Variants in PGM5 observed in about 807,000 individuals in gnomAD.
PGM5 encodes the protein phosphoglucomutase-like protein 5.
A neutral mutation model predicts 59.2 loss-of-function variants in PGM5; 23 were observed. That is an observed-to-expected ratio of 0.39 (90% CI 0.28 to 0.55). The LOEUF is 0.55. Among genes scored for constraint, PGM5 ranks in the 20% least tolerant of loss-of-function variants. The pLI, the probability that PGM5 is intolerant of heterozygous loss-of-function variation, is 0.66. For missense variants in PGM5, 574 were observed against 748.3 expected (o/e 0.77, Z 2.72); for synonymous variants, 214 against 286.0 (o/e 0.75, Z 2.54).
At chr9:68,360,180 A>G (rs372581) in intron 1 of PGM5, among the ~76,000 whole-genome samples, 1,925 of 152,264 alleles carry the variant, frequency 0.013, 53 homozygotes, top group African/African-American at 0.044. Context: ...TTGATTATGT[A>G]ATTGCTGGAG....
intron 6 of PGM5, among the ~76,000 whole-genome samples, chr9:68,446,351 C>G (rs1356961984): frequency 6.6e-6 from 1 of 152,238 alleles, no homozygotes; most frequent in Admixed American, 6.5e-5. Flanking sequence ...CATACATTCT[C>G]ATTTCATACA....
At chr9:68,388,208 G>A (rs1822277809) in intron 4 of PGM5, among the ~76,000 whole-genome samples, 1 of 139,586 alleles carries the variant, frequency 7.2e-6, no homozygotes, top group Non-Finnish European at 1.5e-5. Flanking sequence ...TCATTATCTA[G>A]TGTTTACATT....
intron 9 of PGM5, among the ~76,000 whole-genome samples, chr9:68,488,953 G>C (rs118079149): frequency 6.6e-6 from 1 of 152,168 alleles, no homozygotes; most frequent in Non-Finnish European, 1.5e-5. Context: ...ACCTTCTAAA[G>C]AGATAGGACA....
At chr9:68,428,274 A>G (rs1465499250) in intron 6 of PGM5, among the ~76,000 whole-genome samples, 1 of 152,212 alleles carries the variant, frequency 6.6e-6, no homozygotes, top group East Asian at 1.9e-4. Context: ...AGATAGAAAC[A>G]TTAATGATTT....
chr9:68,438,173 C>T (rs1420239006), intron 6 of PGM5, among the ~76,000 whole-genome samples: 2 of 151,138 alleles, frequency 1.3e-5, no homozygotes, highest in Non-Finnish European at 2.9e-5. Flanking sequence ...CCTGTAGTCC[C>T]AGCTACTCGG....
At chr9:68,405,376 T>C (rs1822777749) in intron 6 of PGM5, 1 of 152,492 alleles carries the variant, frequency 6.6e-6, no homozygotes, top group African/African-American at 2.4e-5. Flanking sequence ...TAGGACCCAA[T>C]TGATGGCAAA....
chr9:68,393,219 G>T (rs1390698993), intron 6 of PGM5, among the ~76,000 whole-genome samples: 2 of 151,934 alleles, frequency 1.3e-5, no homozygotes, highest in Non-Finnish European at 2.9e-5. Flanking sequence ...ATAAGAGAAT[G>T]TAAATATCAT....
intron 7 of PGM5, among the ~76,000 whole-genome samples, chr9:68,477,467 G>A (rs1279124543): frequency 2.6e-5 from 4 of 152,170 alleles, no homozygotes; most frequent in Non-Finnish European, 5.9e-5. Flanking sequence ...CAGCTCTGTG[G>A]CGTTGCGTCT....
chr9:68,469,688 G>T (rs1165107471), intron 7 of PGM5, among the ~76,000 whole-genome samples: 1 of 152,190 alleles, frequency 6.6e-6, no homozygotes, highest in Non-Finnish European at 1.5e-5. Context: ...CTGAAGACAG[G>T]GCCCATGTCT....
chr9:68,452,386 T>C (rs1823710873), intron 6 of PGM5, among the ~76,000 whole-genome samples: 1 of 152,088 alleles, frequency 6.6e-6, no homozygotes, highest in Non-Finnish European at 1.5e-5. Context: ...CTTGCCTCAG[T>C]CTCCAGAGAA....
At chr9:68,394,429 T>G (rs1301964569) in intron 6 of PGM5, 19 of 152,064 alleles carry the variant, frequency 1.2e-4, no homozygotes, top group African/African-American at 4.3e-4. Flanking sequence ...ACCATGCCAT[T>G]GCACTCCAGC....
At chr9:68,515,192 A>G (rs1357916056) in intron 10 of PGM5, among the ~76,000 whole-genome samples, 1 of 152,272 alleles carries the variant, frequency 6.6e-6, no homozygotes, top group Non-Finnish European at 1.5e-5. Flanking sequence ...GGCAAAGGCC[A>G]TAAAAGAACA....
intron 10 of PGM5, among the ~76,000 whole-genome samples, chr9:68,500,271 T>C (rs1342767637): frequency 2.6e-5 from 4 of 152,194 alleles, no homozygotes; most frequent in African/African-American, 9.7e-5. Flanking sequence ...CTTTTCTTTC[T>C]TTGTCAGTAG....
intron 6 of PGM5, among the ~76,000 whole-genome samples, chr9:68,412,765 G>GTGCTATGT: frequency 6.6e-6 from 1 of 152,340 alleles, no homozygotes; most frequent in African/African-American, 2.4e-5. Flanking sequence ...ATAGGGCCAT[G>GTGCTATGT]TGCTATGTTC....
At chr9:68,515,904 T>A (rs1824816685) in intron 10 of PGM5, among the ~76,000 whole-genome samples, 1 of 152,200 alleles carries the variant, frequency 6.6e-6, no homozygotes, top group Non-Finnish European at 1.5e-5. Flanking sequence ...CAGGCTTCTG[T>A]CTTCAATGAT....
At chr9:68,488,347 A>G (rs1355921304) in intron 9 of PGM5, among the ~76,000 whole-genome samples, 1 of 152,204 alleles carries the variant, frequency 6.6e-6, no homozygotes, top group Non-Finnish European at 1.5e-5. Context: ...CAGGAAATAA[A>G]CCATGGAAAA....
At chr9:68,487,595 G>A (rs1312722669) in intron 9 of PGM5, among the ~76,000 whole-genome samples, 2 of 151,822 alleles carry the variant, frequency 1.3e-5, no homozygotes, top group Non-Finnish European at 2.9e-5. Context: ...AAAGTACTTT[G>A]CAGTAAAATT....
At chr9:68,400,056 T>A (rs1266806740) in intron 6 of PGM5, among the ~76,000 whole-genome samples, 1 of 152,144 alleles carries the variant, frequency 6.6e-6, no homozygotes, top group African/African-American at 2.4e-5. Context: ...TATGTTCTCA[T>A]TATCTTTTGC....
intron 2 of PGM5, among the ~76,000 whole-genome samples, chr9:68,382,944 A>G (rs1157336089): frequency 6.6e-6 from 1 of 152,118 alleles, no homozygotes; most frequent in African/African-American, 2.4e-5. Context: ...GGGTGTAGGG[A>G]GTGGAGGGAG....
Sources: gnomAD v4.1 joint callset for allele counts (sites outside exome capture counted in the v4.1 genomes callset) on GRCh38, gnomAD v4.1.1 for gene constraint, MANE v1.5 for transcripts, NCBI Gene and HGNC (gene_info 2026-07-23, HGNC 2026-07-21) for gene names.